CDH4: variants seen among roughly 807,000 people sequenced by gnomAD.
The protein encoded by CDH4 is cadherin 4.
In CDH4, 33 loss-of-function variants were observed where a neutral mutation model predicts 86.0. That is an observed-to-expected ratio of 0.38 (90% CI 0.29 to 0.51). The LOEUF is 0.51. Ranked by LOEUF, CDH4 falls within the 20% of genes least tolerant of loss-of-function variation. The pLI is 0.86. For synonymous variants in CDH4, 555 were observed against 549.4 expected, an observed-to-expected ratio of 1.01 and a Z score of -0.14; for missense variants, 1,114 against 1,307.4, an observed-to-expected ratio of 0.85 and a Z score of 2.28.
intron 9 of CDH4, among the ~76,000 whole-genome samples, chr20:61,915,775 G>A (rs572848542): frequency 6.6e-6 from 1 of 152,322 alleles, no homozygotes; most frequent in African/African-American, 2.4e-5. Flanking sequence ...CATGAGAGAA[G>A]CGTGGAGGAG....
At chr20:61,838,124 C>T (rs557877026) in intron 4 of CDH4, among the ~76,000 whole-genome samples, 89 of 145,138 alleles carry the variant, frequency 6.1e-4, no homozygotes, top group African/African-American at 2.2e-3. Context: ...AGCTGGGTGA[C>T]TGGGGCCGTC....
At chr20:61,668,210 T>C (rs984899317) in intron 2 of CDH4, among the ~76,000 whole-genome samples, 5 of 152,210 alleles carry the variant, frequency 3.3e-5, no homozygotes, top group Non-Finnish European at 5.9e-5. Context: ...CATGTGTTAG[T>C]GTGTATTTAT....
intron 2 of CDH4, among the ~76,000 whole-genome samples, chr20:61,465,784 A>T (rs1165197585): frequency 6.6e-6 from 1 of 151,924 alleles, no homozygotes; most frequent in Non-Finnish European, 1.5e-5. Flanking sequence ...ACCCTATGGA[A>T]TTGTTAGAAA....
chr20:61,545,356 C>T (rs78092122), intron 2 of CDH4, among the ~76,000 whole-genome samples: 4,080 of 152,306 alleles, frequency 0.027, 171 homozygotes, highest in African/African-American at 0.091. Context: ...TTCTGCCGGC[C>T]GTGGGCTGGA....
At chr20:61,288,988 T>G (rs139963604) in intron 2 of CDH4, among the ~76,000 whole-genome samples, 215 of 152,314 alleles carry the variant, frequency 1.4e-3, no homozygotes, top group African/African-American at 4.7e-3. Context: ...AAAATGTTTT[T>G]AAGCTAGGAA....
At chr20:61,562,407 C>A (rs2086225891) in intron 2 of CDH4, among the ~76,000 whole-genome samples, 1 of 150,150 alleles carries the variant, frequency 6.7e-6, no homozygotes, top group Admixed American at 6.6e-5. Flanking sequence ...GAGAGGGGGA[C>A]CTTCGTGTGG....
At chr20:61,921,194 G>A (rs1440648382) in intron 9 of CDH4, among the ~76,000 whole-genome samples, 1 of 136,822 alleles carries the variant, frequency 7.3e-6, no homozygotes, top group African/African-American at 3.4e-5. Context: ...TGGAAGCGTG[G>A]TGTCGTGATT....
At chr20:61,526,098 G>A (rs959992703) in intron 2 of CDH4, among the ~76,000 whole-genome samples, 1 of 152,194 alleles carries the variant, frequency 6.6e-6, no homozygotes, top group African/African-American at 2.4e-5. Flanking sequence ...CTAGTACATG[G>A]GTGGGGACGT....
intron 2 of CDH4, among the ~76,000 whole-genome samples, chr20:61,664,238 G>A (rs889285179): frequency 1.3e-5 from 2 of 152,200 alleles, no homozygotes; most frequent in Admixed American, 6.5e-5. Flanking sequence ...GGGCCTGTCC[G>A]CCCACCCTCC....
intron 2 of CDH4, among the ~76,000 whole-genome samples, chr20:61,275,049 G>A (rs2084219827): frequency 7.0e-6 from 1 of 142,268 alleles, no homozygotes. Flanking sequence ...CAGTTTGGGG[G>A]AGTACCGTGT....
chr20:61,804,095 A>G (rs1014450195), intron 4 of CDH4, among the ~76,000 whole-genome samples: 8 of 152,392 alleles, frequency 5.2e-5, no homozygotes, highest in Admixed American at 3.3e-4. Context: ...GAGGCACGAC[A>G]GAAAACGTGT....
intron 13 of CDH4, among the ~76,000 whole-genome samples, chr20:61,930,851 C>T (rs993328234): frequency 3.3e-5 from 5 of 152,240 alleles, no homozygotes; most frequent in Admixed American, 2.6e-4. Context: ...GCATTCTCAC[C>T]GATGTCCCCT....
At chr20:61,905,890 C>T (rs2054783302) in intron 8 of CDH4, among the ~76,000 whole-genome samples, 1 of 152,164 alleles carries the variant, frequency 6.6e-6, no homozygotes, top group African/African-American at 2.4e-5. Context: ...GAGAGTGGCT[C>T]ATCTCACAAG....
chr20:61,394,163 G>C (rs1275040546), intron 2 of CDH4, among the ~76,000 whole-genome samples: 1 of 152,092 alleles, frequency 6.6e-6, no homozygotes, highest in Non-Finnish European at 1.5e-5. Flanking sequence ...GTCATTCCTG[G>C]GGAACATTTT....
intron 5 of CDH4, among the ~76,000 whole-genome samples, chr20:61,847,994 A>T (rs1025825731): frequency 2.6e-5 from 4 of 152,236 alleles, no homozygotes; most frequent in Non-Finnish European, 4.4e-5. Context: ...GGAACATCCA[A>T]ACCACGCCAC....
chr20:61,429,722 G>A (rs1166997060), intron 2 of CDH4, among the ~76,000 whole-genome samples: 1 of 151,276 alleles, frequency 6.6e-6, no homozygotes, highest in African/African-American at 2.4e-5. Flanking sequence ...TGGGTGGATG[G>A]GTGCATGAAT....
chr20:61,383,062 A>G (rs1285172618), intron 2 of CDH4, among the ~76,000 whole-genome samples: 1 of 136,006 alleles, frequency 7.4e-6, no homozygotes, highest in Non-Finnish European at 1.5e-5. Context: ...AATATATATA[A>G]TTCATATATA....
chr20:61,760,561 G>A (rs1056321267), intron 3 of CDH4, among the ~76,000 whole-genome samples: 1 of 152,238 alleles, frequency 6.6e-6, no homozygotes, highest in African/African-American at 2.4e-5. Flanking sequence ...GGGTAAAAAT[G>A]AAGGTGCTGG....
intron 2 of CDH4, among the ~76,000 whole-genome samples, chr20:61,438,119 A>G (rs752038230): frequency 1.3e-5 from 2 of 152,192 alleles, no homozygotes; most frequent in Non-Finnish European, 2.9e-5. Flanking sequence ...CCCTGCTACA[A>G]TTCTGATTCA....
Sources: gnomAD v4.1 joint callset for allele counts (sites outside exome capture counted in the v4.1 genomes callset) on GRCh38, gnomAD v4.1.1 for gene constraint, MANE v1.5 for transcripts, NCBI Gene and HGNC (gene_info 2026-07-23, HGNC 2026-07-21) for gene names.